EPHA3: variants seen among roughly 807,000 people sequenced by gnomAD.
The protein encoded by EPHA3 is EPH receptor A3.
EPHA3 carries 42 observed loss-of-function variants against 107.1 expected under a neutral mutation model. The ratio of observed to expected loss-of-function variants is 0.39; its 90% CI spans 0.31 to 0.51. EPHA3 has a LOEUF of 0.51. EPHA3 is among the 20% of genes least tolerant of loss of function. The pLI is 0.78. For synonymous variants in EPHA3, 461 were observed against 424.8 expected, an observed-to-expected ratio of 1.09 and a Z score of -1.05; for missense variants, 1,183 against 1,211.2, an observed-to-expected ratio of 0.98 and a Z score of 0.35.
intron 3 of EPHA3, among the ~76,000 whole-genome samples, chr3:89,261,983 AT>A (rs1318927545): frequency 6.6e-6 from 1 of 152,032 alleles, no homozygotes; most frequent in East Asian, 1.9e-4. Flanking sequence ...TATTGATATT[AT>A]TTAATTGGTT....
chr3:89,360,201 ATC>A (rs1708062205), intron 5 of EPHA3, among the ~76,000 whole-genome samples: 5 of 151,016 alleles, frequency 3.3e-5, no homozygotes, highest in Middle Eastern at 3.4e-3. Flanking sequence ...ATGTGCTTAA[ATC>A]AAGCCTCTCT....
At chr3:89,298,225 ACT>A (rs1417797277) in intron 3 of EPHA3, among the ~76,000 whole-genome samples, 1 of 151,976 alleles carries the variant, frequency 6.6e-6, no homozygotes, top group Non-Finnish European at 1.5e-5. Flanking sequence ...GTTGATTGGC[ACT>A]CTGCTAAAAA....
At chr3:89,390,455 C>CT (rs1173934495) in intron 5 of EPHA3, among the ~76,000 whole-genome samples, 1 of 151,994 alleles carries the variant, frequency 6.6e-6, no homozygotes, top group East Asian at 2.0e-4. Context: ...AAAAAATTAG[C>CT]TAGGCATGGT....
intron 2 of EPHA3, among the ~76,000 whole-genome samples, chr3:89,148,555 TTTC>T (rs1363324187): frequency 1.3e-5 from 2 of 152,050 alleles, no homozygotes; most frequent in African/African-American, 4.8e-5. Context: ...CTCTAGGTTT[TTTC>T]TTCTTAAAGA....
At chr3:89,360,933 C>A (rs922768248) in intron 5 of EPHA3, among the ~76,000 whole-genome samples, 2 of 150,904 alleles carry the variant, frequency 1.3e-5, no homozygotes, top group African/African-American at 4.8e-5. Context: ...ACACTCACTT[C>A]TCATATGAAC....
Position 89,481,426 on chromosome 3 carries a change from C to T in EPHA3, c.*1924C>T, listed in dbSNP as rs1459505315. On this transcript the variant is annotated 3_prime_UTR_variant, in exon 17 of 17. Coordinates refer to ENST00000336596, the MANE Select transcript of EPHA3 (RefSeq NM_005233.6). ...ATACCTGCTATCAGCAGCTAGAAAA[C>T]ATTTTTTTTTTAAATCAAGTATTTT... The T allele has an allele frequency of 4.3e-6, 1 of 231,822 alleles. No individual in the cohort carries two copies. Among genetic ancestry groups the T allele is most frequent in the Admixed American group, 5.6e-5 (1 of 17,708 alleles). 14.4% of individuals were successfully genotyped at this position (231,822 alleles called of 1,614,324 possible).
At chr3:89,127,092 A>G in intron 1 of EPHA3, 117 bp from the exon 2 acceptor site, 1 of 755,174 alleles carries the variant, frequency 1.3e-6, no homozygotes. Context: ...ACTTATAATG[A>G]GAAGGAAGAG....
chr3:89,255,562 T>A (rs926304887), intron 3 of EPHA3, among the ~76,000 whole-genome samples: 4 of 152,234 alleles, frequency 2.6e-5, no homozygotes, highest in Non-Finnish European at 5.9e-5. Flanking sequence ...ATATTTACTA[T>A]CTGGCTCTTT....
chr3:89,431,773 T>C (rs371153582), intron 13 of EPHA3, among the ~76,000 whole-genome samples: 1 of 152,190 alleles, frequency 6.6e-6, no homozygotes, highest in Non-Finnish European at 1.5e-5. Flanking sequence ...CTATTTATAC[T>C]GTAAAAATGT....
intron 3 of EPHA3, among the ~76,000 whole-genome samples, chr3:89,297,296 T>C (rs1371418680): frequency 6.6e-6 from 1 of 152,212 alleles, no homozygotes; most frequent in Non-Finnish European, 1.5e-5. Flanking sequence ...TAGTTTTTGA[T>C]TTAAAGTAAG....
intron 3 of EPHA3, among the ~76,000 whole-genome samples, chr3:89,213,077 C>T (rs955165016): frequency 5.9e-5 from 9 of 151,950 alleles, no homozygotes; most frequent in Non-Finnish European, 1.2e-4. Flanking sequence ...TCTGCTTGCT[C>T]TGACAGAGGC....
At position 89,107,621 on chromosome 3, in the gene EPHA3, A is replaced by G. The variant is rs1707000622; in HGVS notation, c.-128A>G. 4 of 862,256 alleles carry G rather than the reference A, an allele frequency of 4.6e-6. No homozygotes were observed. The East Asian group carries it at 9.9e-5, about 21-fold the overall frequency. The allele number at this position is 862,256 out of a possible 1,614,324, so 53.4% of individuals were successfully genotyped here. A position where few individuals can be genotyped will look rare whatever the true frequency, so the allele number is the denominator to read the frequency against. On this transcript the variant is annotated 5_prime_UTR_variant, in exon 1 of 17. Coordinates refer to ENST00000336596, the MANE Select transcript of EPHA3 (RefSeq NM_005233.6). ...GGCAGCCAGACTCCTCCTTATCTCC[A>G]GTGTCAAACTTGACATCAGCCTGCG...
In EPHA3 at chr3:89,411,450, C is replaced by T. The variant is rs115690792; in HGVS notation, c.1763-1691C>T. On this transcript the variant is annotated intron_variant, in intron 9 of 16. Coordinates refer to ENST00000336596, the MANE Select transcript of EPHA3 (RefSeq NM_005233.6). ...TCGTGTTAGCTTTTCTTCTGCATTC[C>T]CTATTTGCCCTCTCACCACCATCCC... 9.7e-3 allele frequency among the ~76,000 whole-genome samples: 1,478 copies of T among 151,932 alleles called. 26 individuals are homozygous for T. The highest frequency in any genetic ancestry group is 0.034 in the African/African-American group (1,413 of 41,486).
intron 2 of EPHA3, among the ~76,000 whole-genome samples, chr3:89,194,859 T>C (rs1471664905): frequency 6.6e-6 from 1 of 152,066 alleles, no homozygotes; most frequent in Non-Finnish European, 1.5e-5. Context: ...TCCAGCAGTA[T>C]ATACCATGCC....
chr3:89,371,393 C>T (rs1708298019), intron 5 of EPHA3, among the ~76,000 whole-genome samples: 3 of 151,592 alleles, frequency 2.0e-5, no homozygotes, highest in Non-Finnish European at 4.4e-5. Flanking sequence ...ATTTTGGTAC[C>T]TATTGTGCAG....
intron 2 of EPHA3, among the ~76,000 whole-genome samples, chr3:89,168,371 T>C (rs1278033853): frequency 6.6e-6 from 1 of 152,138 alleles, no homozygotes; most frequent in African/African-American, 2.4e-5. Flanking sequence ...GGAAAGTTTA[T>C]GTTATTTTTT....
chr3:89,237,821 T>TA (rs967153049), intron 3 of EPHA3, among the ~76,000 whole-genome samples: 14 of 151,680 alleles, frequency 9.2e-5, no homozygotes, highest in South Asian at 2.1e-4. Context: ...AAACAAAATT[T>TA]AAAAAAAATT....
intron 2 of EPHA3, among the ~76,000 whole-genome samples, chr3:89,200,132 A>G (rs1042984354): frequency 1.3e-5 from 2 of 152,210 alleles, no homozygotes; most frequent in Admixed American, 6.5e-5. Flanking sequence ...TGCATTATCA[A>G]TATAGAGCCT....
chr3:89,351,627 A>G (rs1438949127), intron 5 of EPHA3, among the ~76,000 whole-genome samples: 1 of 151,228 alleles, frequency 6.6e-6, no homozygotes, highest in African/African-American at 2.4e-5. Context: ...CTATTCGGCC[A>G]TCTTGGCTCC....
Sources: gnomAD v4.1 joint callset for allele counts (sites outside exome capture counted in the v4.1 genomes callset) on GRCh38, gnomAD v4.1.1 for gene constraint, MANE v1.5 for transcripts, NCBI Gene and HGNC (gene_info 2026-07-23, HGNC 2026-07-21) for gene names.